Variants in LURAP1 observed in about 807,000 individuals in gnomAD.
LURAP1 encodes the protein NF-kappa-B activator C1orf190.
LURAP1 carries 14 observed loss-of-function variants against 19.0 expected under a neutral mutation model. That is an observed-to-expected ratio of 0.74 (90% CI 0.49 to 1.15). The LOEUF (loss-of-function observed/expected upper bound fraction) is 1.15. LURAP1 is among the 50% of genes most tolerant of loss of function. The pLI, the probability that LURAP1 is intolerant of heterozygous loss-of-function variation, is 0.00. For missense variants in LURAP1, 273 were observed against 309.1 expected (o/e 0.88, Z 0.87); for synonymous variants, 129 against 131.8 (o/e 0.98, Z 0.14).
At chr1:46,211,444 C>T (rs1337065774) in intron 1 of LURAP1, among the ~76,000 whole-genome samples, 2 of 133,880 alleles carry the variant, frequency 1.5e-5, no homozygotes, top group African/African-American at 6.2e-5. Flanking sequence ...AACCTGCACA[C>T]ACACACACAC....
chr1:46,206,351 G>A lies in LURAP1; in HGVS notation c.198+2727G>A, dbSNP rs528919097. Among the ~76,000 whole-genome samples the A allele has an allele frequency of 5.3e-5, 8 of 152,230 alleles. No homozygotes were observed. The South Asian group carries it at 1.2e-3, about 24-fold the overall frequency. On this transcript the variant is annotated intron_variant, in intron 1 of 1. Coordinates refer to ENST00000371980, the MANE Select transcript of LURAP1 (RefSeq NM_001013615.3). ...TAGTAACAATATTCTGATAGTCCCC[G>A]CTCTGGGAGCTCGGACTGGGATTTC...
chr1:46,218,259 G>A (rs960614803), intron 1 of LURAP1, among the ~76,000 whole-genome samples: 2 of 152,270 alleles, frequency 1.3e-5, no homozygotes, highest in African/African-American at 2.4e-5. Context: ...TGTGGTGCAC[G>A]CCTGTGGTCT....
chr1:46,217,430 A>G (rs1194034121), intron 1 of LURAP1, among the ~76,000 whole-genome samples: 2 of 152,244 alleles, frequency 1.3e-5, no homozygotes, highest in East Asian at 3.8e-4. Context: ...TAACTATAGT[A>G]AACTACATGG....
In LURAP1 at chr1:46,203,372, C is replaced by T. The variant is rs1422841973; in HGVS notation, c.-55C>T. ...TTTAGCAGCGGCGAAGGGAGGACCC[C>T]CGGGAGCCGGTCCCCGGCGTCCGGT... is the stretch of plus-strand genomic sequence containing the variant. On this transcript the variant is annotated 5_prime_UTR_variant, in exon 1 of 2. Coordinates refer to ENST00000371980, the MANE Select transcript of LURAP1 (RefSeq NM_001013615.3). 7.0e-7 allele frequency: 1 copy of T among 1,426,444 alleles called. No individual in the cohort carries two copies. Among genetic ancestry groups the T allele is most frequent in the Non-Finnish European group, 9.2e-7 (1 of 1,083,354 alleles). The allele number at this position is 1,426,444 out of a possible 1,614,324, so 88.4% of individuals were successfully genotyped here.
intron 1 of LURAP1, among the ~76,000 whole-genome samples, chr1:46,216,125 C>T (rs1009947346): frequency 4.4e-5 from 6 of 135,300 alleles, no homozygotes; most frequent in African/African-American, 1.6e-4. Flanking sequence ...CGGCTCACTG[C>T]AGGCTCCGCC....
intron 1 of LURAP1, among the ~76,000 whole-genome samples, chr1:46,216,245 A>G (rs1659064330): frequency 6.6e-6 from 1 of 151,624 alleles, no homozygotes; most frequent in African/African-American, 2.4e-5. Flanking sequence ...ACGGGGTTTC[A>G]CCGTGTTAGC....
chr1:46,211,888 A>C (rs1658908289), intron 1 of LURAP1, among the ~76,000 whole-genome samples: 1 of 152,054 alleles, frequency 6.6e-6, no homozygotes, highest in Non-Finnish European at 1.5e-5. Flanking sequence ...CAGCCTCCTG[A>C]GTAGCTGGGC....
At position 46,221,196 on chromosome 1, in the gene LURAP1, A is replaced by T. The variant is rs1248126977; in HGVS notation, c.*976A>T. ...ACTCCTCCTGGCAGGAAAGTTTCTC[A>T]TTGTCAGATGTTTGTGCTTCTTTTC... On this transcript the variant is annotated 3_prime_UTR_variant, in exon 2 of 2. Transcript: ENST00000371980. 6.6e-6 allele frequency: 1 copy of T among 152,182 alleles called. No individual in the cohort carries two copies. Among genetic ancestry groups the T allele is most frequent in the African/African-American group, 2.4e-5 (1 of 41,426 alleles). 9.4% of individuals were successfully genotyped at this position (152,182 alleles called of 1,614,324 possible). A position where few individuals can be genotyped will look rare whatever the true frequency, so the allele number is the denominator to read the frequency against.
At chr1:46,217,857 C>CA (rs1194522787) in intron 1 of LURAP1, among the ~76,000 whole-genome samples, 1 of 150,718 alleles carries the variant, frequency 6.6e-6, no homozygotes, top group African/African-American at 2.4e-5. Flanking sequence ...AACTCTGTCT[C>CA]AAAAAAGAAA....
rs1230752951 is a variant in LURAP1 at position 46,221,147 on chromosome 1, ACTT to A, written c.*931_*933del. ...CACATTATTTATCGTCCATACCATTACTTCTTGTGAACAGTAACATGTCACTCC... is the reference window on the plus strand; with the variant it reads ...CACATTATTTATCGTCCATACCATTACTTGTGAACAGTAACATGTCACTCC... On this transcript the variant is annotated 3_prime_UTR_variant, in exon 2 of 2. Coordinates refer to ENST00000371980, the MANE Select transcript of LURAP1 (RefSeq NM_001013615.3). The A allele has an allele frequency of 6.6e-6, 1 of 152,204 alleles. No homozygotes were observed. The highest frequency in any genetic ancestry group is 1.5e-5 in the Non-Finnish European group (1 of 68,046). The allele number at this position is 152,204 out of a possible 1,614,324, so 9.4% of individuals were successfully genotyped here.
At chr1:46,208,398 G>A (rs1380553897) in intron 1 of LURAP1, among the ~76,000 whole-genome samples, 2 of 152,104 alleles carry the variant, frequency 1.3e-5, no homozygotes, top group East Asian at 1.9e-4. Context: ...ATCGAACATA[G>A]TGCCACACCA....
At chr1:46,204,471 G>T (rs945055487) in intron 1 of LURAP1, among the ~76,000 whole-genome samples, 9 of 152,228 alleles carry the variant, frequency 5.9e-5, no homozygotes, top group Non-Finnish European at 1.5e-5. Context: ...GGGAACTGAG[G>T]AATTGCCATC....
chr1:46,206,520 A>C (rs1658722079), intron 1 of LURAP1, among the ~76,000 whole-genome samples: 1 of 152,062 alleles, frequency 6.6e-6, no homozygotes, highest in Admixed American at 6.6e-5. Context: ...TTGGGTTTGG[A>C]GTCGCCTCTG....
At chr1:46,207,300 C>T (rs1262619411) in intron 1 of LURAP1, among the ~76,000 whole-genome samples, 1 of 152,002 alleles carries the variant, frequency 6.6e-6, no homozygotes, top group Non-Finnish European at 1.5e-5. Flanking sequence ...AGGCTGGTTT[C>T]GAAGTCCTGA....
At chr1:46,215,943 A>G (rs988361666) in intron 1 of LURAP1, among the ~76,000 whole-genome samples, 1 of 152,164 alleles carries the variant, frequency 6.6e-6, no homozygotes, top group Non-Finnish European at 1.5e-5. Flanking sequence ...ACCCCTGAGG[A>G]AGAATTATTT....
intron 1 of LURAP1, among the ~76,000 whole-genome samples, chr1:46,210,457 G>T (rs1195305523): frequency 6.6e-6 from 1 of 152,046 alleles, no homozygotes; most frequent in Non-Finnish European, 1.5e-5. Context: ...CATCCCACAG[G>T]TTGAGGGCTC....
Position 46,203,521 on chromosome 1 carries a change from G to A in LURAP1, c.95G>A (p.Arg32Gln), listed in dbSNP as rs144228893. 9.2e-5 allele frequency: 144 copies of A among 1,562,168 alleles called. No individual in the cohort carries two copies. In the African/African-American group the frequency reaches 1.9e-3, roughly 21 times the overall value. The change falls in exon 1 of 2, where the codon CGA becomes CAA. Residue 32 changes from arginine (R) to glutamine (Q), a missense_variant. Transcript: ENST00000371980. ...CCTGAAGGGCTGCTCCGCGGGCTGC[G>A]AGGCGAGTGTGAGCTGGGAACCTCT... ...KTPEGLLRGLRGECELGTSGA... is the reference protein window; with the variant it reads ...KTPEGLLRGLQGECELGTSGA...
chr1:46,214,351 GA>G (rs57471712), intron 1 of LURAP1, among the ~76,000 whole-genome samples: 51 of 127,408 alleles, frequency 4.0e-4, no homozygotes, highest in Middle Eastern at 4.2e-3. Flanking sequence ...GTCTCAAAAA[GA>G]AAAAAAAAAA....
At position 46,219,566 on chromosome 1, in the gene LURAP1, A is replaced by G. The variant is rs537698106; in HGVS notation, c.199-133A>G. On this transcript the variant is annotated intron_variant, in intron 1 of 1. Transcript: ENST00000371980. ...CAGTCTGTCTGCTTCTGAAGCCTAC[A>G]CTGCAAGCCGTTATAATTCCATCCG... 133 of 959,884 alleles carry G rather than the reference A, an allele frequency of 1.4e-4. No individual in the cohort carries two copies. The African/African-American group carries it at 2.1e-3, about 15-fold the overall frequency. The allele number at this position is 959,884 out of a possible 1,614,324, so 59.5% of individuals were successfully genotyped here.
Sources: gnomAD v4.1 joint callset for allele counts (sites outside exome capture counted in the v4.1 genomes callset) on GRCh38, gnomAD v4.1.1 for gene constraint, MANE v1.5 for transcripts, NCBI Gene and HGNC (gene_info 2026-07-23, HGNC 2026-07-21) for gene names.